Variants in LRCH1 observed in about 807,000 individuals in gnomAD.
LRCH1 encodes leucine rich repeats and calponin homology domain containing 1.
LRCH1 carries 23 observed loss-of-function variants against 94.9 expected under a neutral mutation model. The ratio of observed to expected loss-of-function variants is 0.24; its 90% CI spans 0.17 to 0.34. The LOEUF is 0.34. Among genes scored for constraint, LRCH1 ranks in the 10% least tolerant of loss-of-function variants. The pLI, the probability that LRCH1 is intolerant of heterozygous loss-of-function variation, is 1.00. For synonymous variants in LRCH1, 364 were observed against 354.9 expected, an observed-to-expected ratio of 1.03 and a Z score of -0.29; for missense variants, 790 against 945.9, an observed-to-expected ratio of 0.84 and a Z score of 2.16.
At chr13:46,657,500 C>CTTTTTTTTTTT in intron 2 of LRCH1, among the ~76,000 whole-genome samples, 4 of 11,390 alleles carry the variant, frequency 3.5e-4, no homozygotes, top group Non-Finnish European at 4.9e-4. Context: ...CTTTTCTTTT[C>CTTTTTTTTTTT]TTTTTTTTTT....
intron 1 of LRCH1, among the ~76,000 whole-genome samples, chr13:46,606,369 A>T (rs1270206382): frequency 1.3e-5 from 2 of 152,120 alleles, no homozygotes. Flanking sequence ...TAACACTCCC[A>T]CATGACAAAA....
rs1001064611 is a variant in LRCH1, at chr13:46,648,589, A to G, written c.308-1612A>G. 5.3e-5 allele frequency among the ~76,000 whole-genome samples: 8 copies of G among 152,346 alleles called. No homozygotes were observed. In the East Asian group the frequency reaches 1.5e-3, roughly 29 times the overall value. ...GAGATCTTTAGAATCAACTTGTGCAATAACCCCAACAGTTTTTTTAAAATT... is the reference window on the plus strand; with the variant it reads ...GAGATCTTTAGAATCAACTTGTGCAGTAACCCCAACAGTTTTTTTAAAATT... On this transcript the variant is annotated intron_variant, in intron 1 of 19. Coordinates refer to ENST00000389797, the MANE Select transcript of LRCH1 (RefSeq NM_001164211.2).
intron 17 of LRCH1, among the ~76,000 whole-genome samples, chr13:46,727,224 C>T (rs917598762): frequency 2.0e-5 from 3 of 152,134 alleles, no homozygotes; most frequent in Admixed American, 6.5e-5. Flanking sequence ...CTGAAAAATA[C>T]GTTATTCATA....
intron 3 of LRCH1, among the ~76,000 whole-genome samples, chr13:46,678,676 AC>A (rs2051709670): frequency 6.6e-6 from 1 of 152,306 alleles, no homozygotes; most frequent in Admixed American, 6.5e-5. Flanking sequence ...AAGTAAATTG[AC>A]CATTTTCCCT....
intron 19 of LRCH1, 67 bp downstream of exon 19, chr13:46,734,065 C>T: frequency 1.3e-6 from 1 of 795,594 alleles, no homozygotes; most frequent in Non-Finnish European, 2.0e-6. Context: ...TGAGTTTGAA[C>T]CATTGAATCG....
chr13:46,706,306 G>A (rs1213488078), intron 13 of LRCH1, among the ~76,000 whole-genome samples: 1 of 152,166 alleles, frequency 6.6e-6, no homozygotes, highest in Non-Finnish European at 1.5e-5. Flanking sequence ...GATCGAATTA[G>A]GAATTCTGAT....
At chr13:46,569,054 G>C (rs1207671163) in intron 1 of LRCH1, among the ~76,000 whole-genome samples, 2 of 151,506 alleles carry the variant, frequency 1.3e-5, no homozygotes, top group African/African-American at 4.8e-5. Flanking sequence ...TTTAGTGGAC[G>C]TTCTTTAATC....
chr13:46,634,836 G>A (rs1182802157), intron 1 of LRCH1, among the ~76,000 whole-genome samples: 1 of 152,004 alleles, frequency 6.6e-6, no homozygotes, highest in Non-Finnish European at 1.5e-5. Flanking sequence ...CAACGTGTGG[G>A]TGGTTTTTCC....
chr13:46,555,117 G>C (rs1177813744), intron 1 of LRCH1, among the ~76,000 whole-genome samples: 1 of 152,282 alleles, frequency 6.6e-6, no homozygotes, highest in Non-Finnish European at 1.5e-5. Flanking sequence ...GGATAGTCAG[G>C]AATCGGCAAA....
At chr13:46,581,112 G>A (rs1374895134) in intron 1 of LRCH1, among the ~76,000 whole-genome samples, 1 of 152,178 alleles carries the variant, frequency 6.6e-6, no homozygotes, top group Non-Finnish European at 1.5e-5. Context: ...CAGTCCCTGT[G>A]TACCAGAAAG....
At chr13:46,695,190 C>G (rs1229053727) in intron 9 of LRCH1, among the ~76,000 whole-genome samples, 173 bp downstream of exon 9, 2 of 152,210 alleles carry the variant, frequency 1.3e-5, no homozygotes, top group Non-Finnish European at 2.9e-5. Context: ...ATGTGAGGAG[C>G]TGGTCCCTGC....
In LRCH1 at chr13:46,699,989, C is replaced by T. The variant is rs541408835; in HGVS notation, c.1313+586C>T. Among the ~76,000 whole-genome samples the T allele has an allele frequency of 6.6e-5, 10 of 152,232 alleles. No homozygotes were observed. The South Asian group carries it at 1.2e-3, about 19-fold the overall frequency. ...GGCACAGAGAGATTGATTATCTTGC[C>T]GCAAGGTCACAGAGGGCCAGCATTT... On this transcript the variant is annotated intron_variant, in intron 10 of 19. Transcript: ENST00000389797.
In LRCH1 at chr13:46,603,415, C is replaced by T. The variant is rs114779691; in HGVS notation, c.308-46786C>T. Among the ~76,000 whole-genome samples, 312 of 152,190 alleles carry T rather than the reference C, an allele frequency of 2.1e-3. 1 individual carries two copies. The highest frequency in any genetic ancestry group is 7.3e-3 in the African/African-American group (305 of 41,512). On this transcript the variant is annotated intron_variant, in intron 1 of 19. Coordinates refer to ENST00000389797, the MANE Select transcript of LRCH1 (RefSeq NM_001164211.2). The stretch of plus-strand genomic sequence containing the variant: ...TTACATAACCCAAATGGGTTGTTTG[C>T]AAAGCTAGTGTCGCTGAGGTGTTCT...
At chr13:46,558,195 G>A (rs746613829) in intron 1 of LRCH1, among the ~76,000 whole-genome samples, 1 of 152,178 alleles carries the variant, frequency 6.6e-6, no homozygotes, top group Non-Finnish European at 1.5e-5. Context: ...AGGAATACAT[G>A]AGATGCTAAA....
At chr13:46,727,834 A>C (rs185268921) in intron 17 of LRCH1, among the ~76,000 whole-genome samples, 226 of 152,352 alleles carry the variant, frequency 1.5e-3, no homozygotes, top group Admixed American at 2.7e-3. Flanking sequence ...CTCAAAAATC[A>C]AAAGTTTAAT....
chr13:46,621,584 CTAGGTGA>C (rs1363597445), intron 1 of LRCH1, among the ~76,000 whole-genome samples: 1 of 152,078 alleles, frequency 6.6e-6, no homozygotes, highest in Non-Finnish European at 1.5e-5. Flanking sequence ...TTGATAAAGT[CTAGGTGA>C]GTCAGGAAGG....
At chr13:46,718,305 A>C (rs987104896) in intron 16 of LRCH1, among the ~76,000 whole-genome samples, 3 of 152,150 alleles carry the variant, frequency 2.0e-5, no homozygotes, top group Non-Finnish European at 4.4e-5. Context: ...GTTTACAGAT[A>C]TTTTCCTTAA....
In LRCH1 at chr13:46,699,796, G is replaced by A. The variant is rs117749110; in HGVS notation, c.1313+393G>A. Among the ~76,000 whole-genome samples, 9 of 152,238 alleles carry A rather than the reference G, an allele frequency of 5.9e-5. No individual in the cohort carries two copies. The South Asian group carries it at 6.2e-4, about 11-fold the overall frequency. On this transcript the variant is annotated intron_variant, in intron 10 of 19. Transcript: ENST00000389797. ...ATCCCCTTCAAGATCTGAGAACACC[G>A]TAGACTTCTGGTCCCAAGACTTCTA... is the stretch of plus-strand genomic sequence containing the variant.
intron 1 of LRCH1, among the ~76,000 whole-genome samples, chr13:46,592,460 C>G (rs1005969946): frequency 6.6e-6 from 1 of 152,176 alleles, no homozygotes; most frequent in Non-Finnish European, 1.5e-5. Flanking sequence ...CTTCCTCTGT[C>G]CCACACATGG....
Sources: allele counts gnomAD v4.1 joint callset (sites outside exome capture counted in the v4.1 genomes callset), GRCh38; gene constraint gnomAD v4.1.1; transcripts MANE v1.5; gene names NCBI Gene and HGNC (gene_info 2026-07-23, HGNC 2026-07-21).